The following ANGEL2 variants were observed in gnomAD, a reference collection of about 807,000 sequenced individuals.
ANGEL2 encodes the protein angel homolog 2, also known as RNA 2',3'-cyclic phosphatase ANGEL2.
In ANGEL2, 41 loss-of-function variants were observed where a neutral mutation model predicts 66.0. The ratio of observed to expected loss-of-function variants is 0.62; its 90% CI spans 0.48 to 0.81. The LOEUF (loss-of-function observed/expected upper bound fraction) is 0.81, where lower values mean the gene tolerates loss of function less well. Among genes scored for constraint, ANGEL2 ranks in the 30% least tolerant of loss-of-function variants. The pLI is 0.00. For synonymous variants in ANGEL2, 208 were observed against 226.5 expected (o/e 0.92, Z 0.73); for missense variants, 561 against 641.6 (o/e 0.87, Z 1.36).
Position 213,011,552 on chromosome 1 carries a change from T to C in ANGEL2, c.385+1541A>G. On this transcript the variant is annotated intron_variant, in intron 2 of 8. Transcript: ENST00000366962. ...CATCCATTAAGGGAAAACAACACCATAATTTTCTGAGTACCTACTATGAAG... is the reference window on the plus strand; with the variant it reads ...CATCCATTAAGGGAAAACAACACCACAATTTTCTGAGTACCTACTATGAAG... 4.5e-6 allele frequency: 4 copies of C among 887,442 alleles called. No homozygotes were observed. In the South Asian group the frequency reaches 1.5e-4, roughly 33 times the overall value. 55.0% of individuals were successfully genotyped at this position (887,442 alleles called of 1,614,324 possible). A position where few individuals can be genotyped will look rare whatever the true frequency, so the allele number is the denominator to read the frequency against.
intron 2 of ANGEL2, among the ~76,000 whole-genome samples, chr1:213,011,670 C>A (rs898146784): frequency 1.3e-5 from 2 of 152,234 alleles, no homozygotes; most frequent in South Asian, 4.2e-4. Context: ...AATCAAGGAG[C>A]AAAGAGGTTA....
chr1:212,996,940 G>A (rs938835110), intron 8 of ANGEL2, among the ~76,000 whole-genome samples: 1 of 151,878 alleles, frequency 6.6e-6, no homozygotes, highest in African/African-American at 2.4e-5. Flanking sequence ...GTAATTCTTG[G>A]GTAATAATTT....
At chr1:212,998,627 T>C (rs1477066270) in intron 7 of ANGEL2, among the ~76,000 whole-genome samples, 2 of 145,808 alleles carry the variant, frequency 1.4e-5, no homozygotes, top group Non-Finnish European at 3.0e-5. Context: ...GTTCACACCA[T>C]TCTCCTGCCT....
At chr1:212,998,520 CTTTTTTT>C (rs549600424) in intron 7 of ANGEL2, among the ~76,000 whole-genome samples, 1 of 135,072 alleles carries the variant, frequency 7.4e-6, no homozygotes, top group Non-Finnish European at 1.6e-5. Flanking sequence ...AAAAAAGTAT[CTTTTTTT>C]TTTTTTTTTT....
intron 3 of ANGEL2, among the ~76,000 whole-genome samples, 198 bp downstream of exon 3, chr1:213,008,012 A>G (rs2148166123): frequency 6.6e-6 from 1 of 151,966 alleles, no homozygotes; most frequent in African/African-American, 2.4e-5. Flanking sequence ...TACAGGCATG[A>G]GCCACCACGC....
chr1:213,005,745 A>C lies in ANGEL2; in HGVS notation c.713-291T>G, dbSNP rs116011573. On this transcript the variant is annotated intron_variant, in intron 4 of 8. Coordinates refer to ENST00000366962, the MANE Select transcript of ANGEL2 (RefSeq NM_144567.5). ...AAGCTTTATAATAATCTATTCTCTC[A>C]CTCTCTCCACCCTATATTCCTGATC... Among the ~76,000 whole-genome samples the C allele has an allele frequency of 3.2e-3, 481 of 151,656 alleles. 4 individuals are homozygous for C. The highest frequency in any genetic ancestry group is 0.011 in the African/African-American group (458 of 41,264).
chr1:213,003,951 GCA>G (rs1043334644), intron 5 of ANGEL2, among the ~76,000 whole-genome samples: 5 of 152,160 alleles, frequency 3.3e-5, no homozygotes, highest in African/African-American at 9.7e-5. Flanking sequence ...TGTAATCCCA[GCA>G]CTTTGGGAGG....
At chr1:213,003,839 G>C (rs958516485) in intron 5 of ANGEL2, among the ~76,000 whole-genome samples, 1 of 152,192 alleles carries the variant, frequency 6.6e-6, no homozygotes, top group African/African-American at 2.4e-5. Flanking sequence ...TATGTTTGAA[G>C]CTCGATAAAG....
At chr1:213,010,159 A>G (rs2076465883) in intron 2 of ANGEL2, among the ~76,000 whole-genome samples, 1 of 152,174 alleles carries the variant, frequency 6.6e-6, no homozygotes. Context: ...AAAGGAAACT[A>G]TCCTCTTCCC....
At chr1:213,008,178 T>C (rs202219003) in intron 3 of ANGEL2, 32 bp downstream of exon 3, 45 of 1,598,126 alleles carry the variant, frequency 2.8e-5, no homozygotes, top group Middle Eastern at 1.9e-4. Flanking sequence ...CTTTTTCTTA[T>C]GTGAAGAATT....
intron 8 of ANGEL2, among the ~76,000 whole-genome samples, chr1:212,996,346 C>T (rs542908929): frequency 1.3e-5 from 2 of 151,308 alleles, no homozygotes; most frequent in South Asian, 2.1e-4. Flanking sequence ...CTTTTCTGAC[C>T]GAATGTGGTG....
intron 5 of ANGEL2, among the ~76,000 whole-genome samples, chr1:213,004,373 G>A (rs183141459): frequency 5.3e-5 from 8 of 151,974 alleles, no homozygotes; most frequent in African/African-American, 1.9e-4. Flanking sequence ...ATTCTACAAC[G>A]GAAACTTGTA....
At chr1:212,997,363 T>G in intron 7 of ANGEL2, 45 bp from the exon 8 acceptor site, 1 of 1,523,040 alleles carries the variant, frequency 6.6e-7, no homozygotes, top group East Asian at 2.3e-5. Flanking sequence ...TTTTTGTAAC[T>G]TCAAGAATTC....
rs190621865 is a variant in ANGEL2 at position 213,008,415 on chromosome 1, G to C, written c.437C>G (p.Thr146Arg). 2 of 1,613,936 alleles carry C rather than the reference G, an allele frequency of 1.2e-6. No individual in the cohort carries two copies. The highest frequency in any genetic ancestry group is 1.3e-5 in the African/African-American group (1 of 74,984). The change falls in exon 3 of 9, where the codon ACG becomes AGG. Residue 146 changes from threonine to arginine, a missense_variant. Coordinates refer to ENST00000366962, the MANE Select transcript of ANGEL2 (RefSeq NM_144567.5). ...EYICSHDKEK[T>R]KILGDKNVDP... ...AACATTTTTGTCTCCTAGGATCTTC[G>C]TTTTTTCTTTATCATGGCTACATAT...
intron 1 of ANGEL2, chr1:213,015,263 G>A: frequency 9.1e-7 from 1 of 1,102,438 alleles, no homozygotes; most frequent in Non-Finnish European, 1.1e-6. Context: ...CTCGGTTCCC[G>A]GGACGGTGCT....
chr1:213,005,573 G>A (rs2076302250), intron 4 of ANGEL2, 119 bp from the exon 5 acceptor site: 1 of 1,076,792 alleles, frequency 9.3e-7, no homozygotes. Flanking sequence ...CATTAGTAAT[G>A]TAGGATGTCA....
chr1:213,010,470 G>A (rs1306324309), intron 2 of ANGEL2, among the ~76,000 whole-genome samples: 1 of 151,976 alleles, frequency 6.6e-6, no homozygotes, highest in Non-Finnish European at 1.5e-5. Context: ...TACTCGGGAG[G>A]CTGAGACAGG....
chr1:213,000,240 A>C, intron 7 of ANGEL2, 86 bp downstream of exon 7: 1 of 1,338,810 alleles, frequency 7.5e-7, no homozygotes, highest in South Asian at 1.2e-5. Flanking sequence ...TATCACCTTC[A>C]TTTTTTTATC....
chr1:213,013,458 G>A, intron 1 of ANGEL2, 40 bp from the exon 2 acceptor site: 1 of 1,534,002 alleles, frequency 6.5e-7, no homozygotes, highest in Middle Eastern at 1.7e-4. Context: ...ACCACTTTTT[G>A]TTCAGCTATA....
Sources: gnomAD v4.1 joint callset for allele counts (sites outside exome capture counted in the v4.1 genomes callset) on GRCh38, gnomAD v4.1.1 for gene constraint, MANE v1.5 for transcripts, NCBI Gene and HGNC (gene_info 2026-07-23, HGNC 2026-07-21) for gene names.